The following NT5C2 variants were observed in gnomAD, a reference collection of about 807,000 sequenced individuals.
NT5C2 encodes the protein cytosolic purine 5'-nucleotidase.
NT5C2 carries 58 observed loss-of-function variants against 76.1 expected under a neutral mutation model. The observed-to-expected ratio is 0.76, with a 90% CI of 0.62 to 0.95. The LOEUF is 0.95. Among genes scored for constraint, NT5C2 ranks in the 40% least tolerant of loss-of-function variants. NT5C2 has a pLI of 0.00. For missense variants in NT5C2, 478 were observed against 690.3 expected (o/e 0.69, Z 3.45); for synonymous variants, 229 against 237.4 (o/e 0.96, Z 0.32).
At chr10:103,124,651 C>T (rs193147197) in intron 4 of NT5C2, among the ~76,000 whole-genome samples, 20 of 151,968 alleles carry the variant, frequency 1.3e-4, no homozygotes, top group African/African-American at 4.6e-4. Flanking sequence ...ACCGCCCCTC[C>T]CCCCACCTTT....
intron 3 of NT5C2, among the ~76,000 whole-genome samples, chr10:103,156,982 A>G (rs1453903356): frequency 2.6e-5 from 4 of 151,846 alleles, no homozygotes; most frequent in African/African-American, 4.8e-5. Context: ...CCGTGAACCC[A>G]TATGTCTCCC....
chr10:103,190,177 T>C (rs2092528238), intron 1 of NT5C2, among the ~76,000 whole-genome samples: 1 of 151,378 alleles, frequency 6.6e-6, no homozygotes, highest in Non-Finnish European at 1.5e-5. Flanking sequence ...ATTTTTGTAT[T>C]TTTAGTAGAG....
intron 4 of NT5C2, among the ~76,000 whole-genome samples, chr10:103,113,644 GA>G (rs1244939066): frequency 2.0e-5 from 3 of 152,048 alleles, no homozygotes; most frequent in African/African-American, 7.2e-5. Flanking sequence ...CCTGGGCCGT[GA>G]AAGAGCTTAT....
At chr10:103,135,531 T>G (rs574452728) in intron 4 of NT5C2, among the ~76,000 whole-genome samples, 2 of 152,108 alleles carry the variant, frequency 1.3e-5, no homozygotes, top group African/African-American at 4.8e-5. Context: ...TCCCAGCACT[T>G]TGGGAGGCCG....
chr10:103,116,384 T>C (rs2074332114), intron 4 of NT5C2, among the ~76,000 whole-genome samples: 1 of 152,140 alleles, frequency 6.6e-6, no homozygotes, highest in Non-Finnish European at 1.5e-5. Context: ...CATAAAATAT[T>C]TTAAATAGCA....
chr10:103,090,803 A>T lies in NT5C2; in HGVS notation c.1273-16T>A, dbSNP rs1376566354. ...GAGTTACTTTCTAAAACAAAGAACAAGATTGATTCTTGGCTCATTCAACAA... is the reference window on the plus strand; with the variant it reads ...GAGTTACTTTCTAAAACAAAGAACATGATTGATTCTTGGCTCATTCAACAA... On this transcript the variant is annotated splice_polypyrimidine_tract_variant and intron_variant, in intron 17 of 18. Transcript: ENST00000404739. 1.2e-6 allele frequency: 2 copies of T among 1,613,288 alleles called. No homozygotes were observed. The highest frequency in any genetic ancestry group is 4.5e-5 in the East Asian group (2 of 44,874).
At chr10:103,127,008 T>C (rs997104164) in intron 4 of NT5C2, among the ~76,000 whole-genome samples, 2 of 152,084 alleles carry the variant, frequency 1.3e-5, no homozygotes, top group Non-Finnish European at 2.9e-5. Flanking sequence ...CAGGGTCTCA[T>C]TAGGTTCCCC....
rs1221445225 is a variant in NT5C2 at position 103,174,868 on chromosome 10, C to T, written c.91G>A (p.Ala31Thr). ...AGACAAAATACTTACCGATGATAGGCTTCTCGACGATACTTTTTCAGGGCA... is the reference window on the plus strand; with the variant it reads ...AGACAAAATACTTACCGATGATAGGTTTCTCGACGATACTTTTTCAGGGCA... The part of the protein sequence containing the change: ...KHALKKYRRE[A>T]YHRVFVNRSL... The change falls in exon 3 of 19, where the codon GCC (alanine) becomes ACC (threonine). Residue 31 changes from alanine to threonine, a missense_variant. Coordinates refer to ENST00000404739, the MANE Select transcript of NT5C2 (RefSeq NM_001351169.2). 8.1e-6 allele frequency: 13 copies of T among 1,610,584 alleles called. No homozygotes were observed. The highest frequency in any genetic ancestry group is 1.1e-5 in the Non-Finnish European group (13 of 1,177,082).
At chr10:103,093,339 C>A in intron 14 of NT5C2, 30 bp from the exon 15 acceptor site, 1 of 1,503,966 alleles carries the variant, frequency 6.6e-7, no homozygotes. Flanking sequence ...AATGAGAAAA[C>A]TGTCCCTATA....
intron 3 of NT5C2, among the ~76,000 whole-genome samples, chr10:103,170,729 C>T (rs1163240): frequency 0.98 from 148,900 of 151,702 alleles, 73,105 homozygotes; most frequent in East Asian, 1. Flanking sequence ...GTTTCGCCAT[C>T]TTGCCCAGGC....
chr10:103,162,230 G>A (rs746250962), intron 3 of NT5C2, among the ~76,000 whole-genome samples: 13 of 151,906 alleles, frequency 8.6e-5, no homozygotes, highest in Non-Finnish European at 1.9e-4. Flanking sequence ...TGGCCAGGAT[G>A]GTCTCGATCT....
At chr10:103,105,606 G>T in intron 6 of NT5C2, 100 bp downstream of exon 6, 1 of 836,838 alleles carries the variant, frequency 1.2e-6, no homozygotes. Flanking sequence ...CTTTAATGAT[G>T]AAAAGTAATA....
At chr10:103,123,092 A>G (rs535174717) in intron 4 of NT5C2, among the ~76,000 whole-genome samples, 4 of 152,248 alleles carry the variant, frequency 2.6e-5, no homozygotes, top group East Asian at 3.9e-4. Context: ...TACACTACAT[A>G]TAAGTCATCT....
At chr10:103,178,823 A>G (rs1256514487) in intron 2 of NT5C2, among the ~76,000 whole-genome samples, 1 of 146,994 alleles carries the variant, frequency 6.8e-6, no homozygotes, top group Non-Finnish European at 1.5e-5. Flanking sequence ...CAACAAGATC[A>G]AGACTGTCTC....
At chr10:103,111,534 C>A (rs909900871) in intron 4 of NT5C2, among the ~76,000 whole-genome samples, 2 of 152,138 alleles carry the variant, frequency 1.3e-5, no homozygotes, top group African/African-American at 4.8e-5. Context: ...TGAGTAGATG[C>A]TGTTCATACA....
intron 4 of NT5C2, among the ~76,000 whole-genome samples, chr10:103,129,060 A>G (rs1190375137): frequency 3.5e-5 from 4 of 113,162 alleles, no homozygotes; most frequent in South Asian, 3.4e-4. Flanking sequence ...CAGCCGTGCC[A>G]TCCGGGAGGG....
At chr10:103,125,304 A>G in intron 4 of NT5C2, 1 of 567,520 alleles carries the variant, frequency 1.8e-6, no homozygotes, top group East Asian at 3.8e-5. Context: ...GTTAAAAAAA[A>G]AAAAAAAGAC....
At chr10:103,173,693 G>A (rs1377957180) in intron 3 of NT5C2, among the ~76,000 whole-genome samples, 3 of 151,530 alleles carry the variant, frequency 2.0e-5, no homozygotes, top group Admixed American at 6.6e-5. Context: ...TTGGGAGGCC[G>A]AGGCAGGTGG....
At chr10:103,097,164 C>A in intron 11 of NT5C2, 127 bp downstream of exon 11, 1 of 690,998 alleles carries the variant, frequency 1.4e-6, no homozygotes, top group Non-Finnish European at 2.3e-6. Context: ...TGCCTTTTTA[C>A]TCTTTGAAAA....
Sources: allele counts gnomAD v4.1 joint callset (sites outside exome capture counted in the v4.1 genomes callset), GRCh38; gene constraint gnomAD v4.1.1; transcripts MANE v1.5; gene names NCBI Gene and HGNC (gene_info 2026-07-23, HGNC 2026-07-21).